Variants in SFMBT2 observed in about 807,000 individuals in gnomAD.
SFMBT2 encodes scm-like with four MBT domains protein 2.
In SFMBT2, 38 loss-of-function variants were observed where a neutral mutation model predicts 110.1. That is an observed-to-expected ratio of 0.35 (90% CI 0.27 to 0.45). The LOEUF (loss-of-function observed/expected upper bound fraction) is 0.45. SFMBT2 is among the 20% of genes least tolerant of loss of function. SFMBT2 has a pLI of 1.00. For synonymous variants in SFMBT2, 425 were observed against 425.4 expected, an observed-to-expected ratio of 1.00 and a Z score of 0.01; for missense variants, 1,011 against 1,094.9, an observed-to-expected ratio of 0.92 and a Z score of 1.08.
intron 15 of SFMBT2, among the ~76,000 whole-genome samples, chr10:7,190,252 C>T (rs746643072): frequency 1.3e-5 from 2 of 152,152 alleles, no homozygotes; most frequent in South Asian, 2.1e-4. Flanking sequence ...ACTGTCAGTA[C>T]AATTTACAGA....
chr10:7,215,534 C>T (rs970164424), intron 11 of SFMBT2: 1 of 985,160 alleles, frequency 1.0e-6, no homozygotes, highest in African/African-American at 1.7e-5. Context: ...CAACACTGTA[C>T]ATGGGGGCTC....
intron 16 of SFMBT2, among the ~76,000 whole-genome samples, chr10:7,182,543 AATG>A (rs1838274972): frequency 6.6e-6 from 1 of 152,162 alleles, no homozygotes; most frequent in African/African-American, 2.4e-5. Context: ...AGCCATAAAA[AATG>A]ATGAGTTCAT....
intron 4 of SFMBT2, among the ~76,000 whole-genome samples, chr10:7,302,496 G>A (rs79024469): frequency 0.011 from 1,614 of 152,312 alleles, 15 homozygotes; most frequent in Non-Finnish European, 0.015. Flanking sequence ...TTGACCCTTG[G>A]CATAACCCAG....
chr10:7,342,905 A>AT (rs930226853), intron 4 of SFMBT2, among the ~76,000 whole-genome samples: 2 of 151,582 alleles, frequency 1.3e-5, no homozygotes, highest in African/African-American at 4.8e-5. Context: ...ATTTTATTAG[A>AT]TTTTTTTGTG....
chr10:7,337,524 G>A (rs553015520), intron 4 of SFMBT2, among the ~76,000 whole-genome samples: 98 of 151,988 alleles, frequency 6.4e-4, no homozygotes, highest in African/African-American at 9.7e-4. Context: ...AAAAGTGTGC[G>A]GCACCTCCCC....
At chr10:7,359,532 G>T (rs1844646965) in intron 4 of SFMBT2, among the ~76,000 whole-genome samples, 1 of 152,224 alleles carries the variant, frequency 6.6e-6, no homozygotes, top group African/African-American at 2.4e-5. Context: ...TTGCTGGGTT[G>T]AGAAGCAGGA....
intron 6 of SFMBT2, among the ~76,000 whole-genome samples, chr10:7,280,388 TG>T (rs60916501): frequency 6.7e-6 from 1 of 150,086 alleles, no homozygotes; most frequent in Admixed American, 6.6e-5. Flanking sequence ...ACTAAAAAAA[TG>T]GGGGGAGGGG....
intron 4 of SFMBT2, among the ~76,000 whole-genome samples, chr10:7,335,494 T>A (rs990282577): frequency 1.3e-5 from 2 of 151,824 alleles, no homozygotes; most frequent in African/African-American, 4.8e-5. Context: ...CTATGGAGAA[T>A]CTGCAGACCA....
intron 4 of SFMBT2, chr10:7,348,369 A>G: frequency 6.7e-7 from 1 of 1,485,698 alleles, no homozygotes; most frequent in Non-Finnish European, 9.0e-7. Context: ...TTTAATGGCT[A>G]TAACTTGCTC....
chr10:7,182,253 G>C (rs931810793), intron 16 of SFMBT2, among the ~76,000 whole-genome samples: 1 of 152,152 alleles, frequency 6.6e-6, no homozygotes, highest in Non-Finnish European at 1.5e-5. Context: ...GGCCAGGCTG[G>C]TCTCAAACTT....
chr10:7,289,622 C>T (rs1842203828), intron 4 of SFMBT2, among the ~76,000 whole-genome samples: 1 of 152,138 alleles, frequency 6.6e-6, no homozygotes, highest in Non-Finnish European at 1.5e-5. Context: ...GTATACAGAC[C>T]ACTTTAGGTT....
chr10:7,217,722 G>A (rs544845194), intron 11 of SFMBT2, among the ~76,000 whole-genome samples: 2 of 152,226 alleles, frequency 1.3e-5, no homozygotes, highest in East Asian at 1.9e-4. Flanking sequence ...CAGTGTGTGC[G>A]GCCATAATGC....
At chr10:7,213,925 G>T (rs954926677) in intron 11 of SFMBT2, among the ~76,000 whole-genome samples, 2 of 152,180 alleles carry the variant, frequency 1.3e-5, no homozygotes, top group Non-Finnish European at 2.9e-5. Flanking sequence ...GCAGGACTGG[G>T]GGATTCTAAC....
At chr10:7,384,769 G>A (rs1044110529) in intron 1 of SFMBT2, among the ~76,000 whole-genome samples, 1 of 152,154 alleles carries the variant, frequency 6.6e-6, no homozygotes, top group South Asian at 2.1e-4. Flanking sequence ...CCGAATGATG[G>A]ACAGAGCTGC....
chr10:7,290,073 A>G (rs139454719), intron 4 of SFMBT2, among the ~76,000 whole-genome samples: 1 of 152,308 alleles, frequency 6.6e-6, no homozygotes, highest in East Asian at 1.9e-4. Flanking sequence ...CACACATGAA[A>G]CATCAGGAAA....
intron 12 of SFMBT2, chr10:7,205,560 G>A: frequency 1.0e-6 from 1 of 985,394 alleles, no homozygotes; most frequent in Non-Finnish European, 1.2e-6. Context: ...AACTGAGAGT[G>A]ATGATTTCAG....
intron 9 of SFMBT2, among the ~76,000 whole-genome samples, chr10:7,231,669 T>G (rs572529723): frequency 1.6e-4 from 24 of 150,660 alleles, no homozygotes; most frequent in African/African-American, 5.9e-4. Flanking sequence ...AATCAAGTCT[T>G]GCTGGCTATG....
chr10:7,174,943 C>CTG lies in SFMBT2; in HGVS notation c.1984+1045_1984+1046dup, dbSNP rs371540722. 1.3e-3 allele frequency among the ~76,000 whole-genome samples: 203 copies of CTG among 151,284 alleles called. 1 individual carries two copies. The highest frequency in any genetic ancestry group is 3.3e-3 in the African/African-American group (138 of 41,330). On this transcript the variant is annotated intron_variant, in intron 17 of 20. Coordinates refer to ENST00000397167, the MANE Select transcript of SFMBT2 (RefSeq NM_001387889.1). Reference sequence around the variant, plus strand: ...CAGAAGGCAGAGTGGCAAGGGGACTCTGTGTGTGTGTGTGTGTTGTGTGTG... The same window carrying CTG: ...CAGAAGGCAGAGTGGCAAGGGGACTCTGTGTGTGTGTGTGTGTGTTGTGTGTG...
chr10:7,206,423 C>A, intron 11 of SFMBT2: 1 of 985,434 alleles, frequency 1.0e-6, no homozygotes, highest in Non-Finnish European at 1.2e-6. Flanking sequence ...AGCATCACAG[C>A]TAAACGGAAC....
Sources: gnomAD v4.1 joint callset for allele counts (sites outside exome capture counted in the v4.1 genomes callset) on GRCh38, gnomAD v4.1.1 for gene constraint, MANE v1.5 for transcripts, NCBI Gene and HGNC (gene_info 2026-07-23, HGNC 2026-07-21) for gene names.